The following TRRAP variants were observed in gnomAD, a reference collection of about 807,000 sequenced individuals.
TRRAP encodes transformation/transcription domain associated protein, also known as transformation/transcription domain-associated protein.
Under a neutral mutation model 438.8 loss-of-function variants are expected in TRRAP, and 41 were observed. That is an observed-to-expected ratio of 0.09 (90% confidence interval 0.07 to 0.12). The LOEUF (loss-of-function observed/expected upper bound fraction) is 0.12, where lower values mean the gene tolerates loss of function less well. TRRAP is among the 10% of genes least tolerant of loss of function. The pLI is 1.00. For synonymous variants in TRRAP, 1,994 were observed against 1,962.9 expected (o/e 1.02, Z -0.42); for missense variants, 3,122 against 5,055.1 (o/e 0.62, Z 11.60).
intron 59 of TRRAP, 46 bp from the exon 60 acceptor site, chr7:98,983,218 T>C: frequency 6.6e-7 from 1 of 1,522,554 alleles, no homozygotes; most frequent in Non-Finnish European, 8.9e-7. Flanking sequence ...TCCCGTTTGA[T>C]CTTTACTGAC....
chr7:98,894,789 T>G (rs1796126231), intron 6 of TRRAP, among the ~76,000 whole-genome samples: 1 of 141,688 alleles, frequency 7.1e-6, no homozygotes, highest in African/African-American at 2.6e-5. Context: ...AATGGTTTTT[T>G]TTTTTTTTTT....
chr7:98,961,472 C>A lies in TRRAP; in HGVS notation c.6701C>A (p.Pro2234Gln). Residue 2234 changes from proline to glutamine, a missense_variant and splice_region_variant, in exon 46 of 73, where the codon CCG (proline) becomes CAG (glutamine). Coordinates refer to ENST00000456197, the MANE Select transcript of TRRAP (RefSeq NM_001375524.1). ...SRLMSIFPTE[P>Q]STSSVASKYE... ...CTGATGAGCATTTTCCCAACAGAGC[C>A]GAGTATGTGACCTTTCCCACCGGTG... is the stretch of plus-strand genomic sequence containing the variant. 6.2e-7 allele frequency: 1 copy of A among 1,613,934 alleles called. No homozygotes were observed. The highest frequency in any genetic ancestry group is 8.5e-7 in the Non-Finnish European group (1 of 1,179,904).
At position 98,965,826 on chromosome 7, in the gene TRRAP, A is replaced by C; in HGVS notation, c.7107A>C (p.Lys2369Asn). Reference protein sequence around the residue: ...TSLIEKSPDAKILRAVVKIVE... With the variant: ...TSLIEKSPDANILRAVVKIVE... ...TCATCGAAAAATCACCAGATGCCAA[A>C]ATCCTCCGGGCTGTGGTCAAAATCG... is the stretch of plus-strand genomic sequence containing the variant. The change falls in exon 49 of 73, where the codon AAA (lysine) becomes AAC (asparagine). Residue 2369 changes from lysine (K) to asparagine (N), a missense_variant. By Grantham distance (94) the Lys-to-Asn change is moderately conservative. Around this residue, in one of 24 missense-constraint regions of TRRAP, gnomAD observed 992 missense variants for 1,281.2 expected, o/e 0.77. Transcript: ENST00000456197. The C allele has an allele frequency of 6.2e-7, 1 of 1,614,110 alleles. No homozygotes were observed. Among genetic ancestry groups the C allele is most frequent in the Non-Finnish European group, 8.5e-7 (1 of 1,180,022 alleles).
At chr7:98,880,265 T>TTGTTTTG (rs1474982624) in intron 1 of TRRAP, among the ~76,000 whole-genome samples, 7 of 136,946 alleles carry the variant, frequency 5.1e-5, no homozygotes, top group African/African-American at 8.6e-5. Flanking sequence ...TGTTGTTGTT[T>TTGTTTTG]TTTTTTTTTT....
At chr7:98,924,772 G>A (rs1423020003) in intron 21 of TRRAP, among the ~76,000 whole-genome samples, 1 of 147,106 alleles carries the variant, frequency 6.8e-6, no homozygotes, top group Non-Finnish European at 1.5e-5. Context: ...GGGAGGCCGA[G>A]GCGGGCAGAT....
At chr7:98,918,830 C>T (rs1359861884) in intron 20 of TRRAP, among the ~76,000 whole-genome samples, 2 of 151,114 alleles carry the variant, frequency 1.3e-5, no homozygotes, top group African/African-American at 4.9e-5. Context: ...CTGAGACAGG[C>T]AGATCACTTG....
At chr7:98,907,187 G>A (rs1275468710) in intron 13 of TRRAP, among the ~76,000 whole-genome samples, 1 of 152,088 alleles carries the variant, frequency 6.6e-6, no homozygotes, top group Admixed American at 6.5e-5. Context: ...GCCAGGCGTG[G>A]TGGCGCGTGC....
At chr7:98,916,033 GC>G in intron 19 of TRRAP, 145 bp downstream of exon 19, 1 of 1,110,448 alleles carries the variant, frequency 9.0e-7, no homozygotes, top group Non-Finnish European at 1.3e-6. Context: ...CCGCCCCCCT[GC>G]CCCCCTCCCC....
intron 18 of TRRAP, 130 bp downstream of exon 18, chr7:98,912,343 C>T: frequency 1.1e-6 from 1 of 919,970 alleles, no homozygotes; most frequent in Non-Finnish European, 1.5e-6. Context: ...TTGATCTCCC[C>T]AGTTTTTGGG....
chr7:98,965,610 C>G, intron 48 of TRRAP, 86 bp from the exon 49 acceptor site: 1 of 1,577,710 alleles, frequency 6.3e-7, no homozygotes, highest in Non-Finnish European at 8.7e-7. Flanking sequence ...ATGGGCAGAA[C>G]CCAGCATGCC....
intron 63 of TRRAP, 55 bp from the exon 64 acceptor site, chr7:98,990,400 T>C (rs1233970981): frequency 1.3e-6 from 2 of 1,590,764 alleles, no homozygotes; most frequent in Non-Finnish European, 1.7e-6. Flanking sequence ...AAAAGTCTCT[T>C]GCTTGAGGGC....
intron 69 of TRRAP, among the ~76,000 whole-genome samples, chr7:99,007,574 C>T (rs564757705): frequency 2.6e-5 from 4 of 152,094 alleles, no homozygotes; most frequent in African/African-American, 9.6e-5. Flanking sequence ...GTCTCAAACT[C>T]CTGACCTCAT....
In TRRAP at chr7:98,912,017, G is replaced by A. The variant is rs1247173631; in HGVS notation, c.2008-5G>A. On this transcript the variant is annotated splice_region_variant and splice_polypyrimidine_tract_variant and intron_variant, in intron 17 of 72. Coordinates refer to ENST00000456197, the MANE Select transcript of TRRAP (RefSeq NM_001375524.1). The stretch of plus-strand genomic sequence containing the variant: ...ATTTTTCACATGTGTTTCTTGTATT[G>A]ACAGATTGTTGCCAATTCCTTCTTG... 6.2e-7 allele frequency: 1 copy of A among 1,610,478 alleles called. No individual in the cohort carries two copies. Among genetic ancestry groups the A allele is most frequent in the Non-Finnish European group, 8.5e-7 (1 of 1,177,884 alleles).
Position 98,976,864 on chromosome 7 carries a change from C to T in TRRAP, c.8248-75C>T. On this transcript the variant is annotated intron_variant, in intron 55 of 72. Coordinates refer to ENST00000456197, the MANE Select transcript of TRRAP (RefSeq NM_001375524.1). The surrounding 1 kb of genome is among the most constrained non-coding windows in gnomAD (Gnocchi z 4.6). Reference sequence around the variant, plus strand: ...CCTCCCAAATGATTTCAAATGACAGCACAGTGAAACTATTTTTAGGGGGGA... The same window carrying T: ...CCTCCCAAATGATTTCAAATGACAGTACAGTGAAACTATTTTTAGGGGGGA... The T allele has an allele frequency of 6.2e-7, 1 of 1,604,036 alleles. No homozygotes were observed. Among genetic ancestry groups the T allele is most frequent in the East Asian group, 2.2e-5 (1 of 44,734 alleles).
At chr7:98,942,827 TA>T (rs1365351537) in intron 30 of TRRAP, 121 bp from the exon 31 acceptor site, 1 of 1,051,994 alleles carries the variant, frequency 9.5e-7, no homozygotes, top group Admixed American at 2.2e-5. Flanking sequence ...TGCGCTGTTT[TA>T]ATAATGGAAA....
chr7:99,005,080 G>A lies in TRRAP; in HGVS notation c.10536-51G>A, dbSNP rs1794101502. The stretch of plus-strand genomic sequence containing the variant: ...ATTCCTAGCTTCTTCTCAAGACAAG[G>A]ACTGGTAGCAGAGATGCAGGGCATG... On this transcript the variant is annotated intron_variant, in intron 68 of 72. Transcript: ENST00000456197. The surrounding 1 kb of genome is among the most constrained non-coding windows in gnomAD (Gnocchi z 5.1). 2 of 1,575,918 alleles carry A rather than the reference G, an allele frequency of 1.3e-6. No homozygotes were observed. The highest frequency in any genetic ancestry group is 1.3e-5 in the African/African-American group (1 of 74,176).
At chr7:98,886,919 T>G (rs1231387242) in intron 3 of TRRAP, among the ~76,000 whole-genome samples, 6 of 152,150 alleles carry the variant, frequency 3.9e-5, no homozygotes, top group African/African-American at 1.4e-4. Context: ...AAAATTTTTT[T>G]AGAGACAACG....
Position 98,956,150 on chromosome 7 carries a change from A to G in TRRAP, c.5942A>G (p.Tyr1981Cys). 1 of 1,611,104 alleles carries G rather than the reference A, an allele frequency of 6.2e-7. No individual in the cohort carries two copies. Among genetic ancestry groups the G allele is most frequent in the Non-Finnish European group, 8.5e-7 (1 of 1,179,440 alleles). ...ATGCTGGCCCTGCGTCCGCAGGTGT[A>G]CTACCCGGTACGGCACCACTTGGTG... ...LHLIVQHFKVYYPVRHHLVQH... is the reference protein window; with the variant it reads ...LHLIVQHFKVCYPVRHHLVQH... The change falls in exon 42 of 73, where the codon TAC (tyrosine) becomes TGC (cysteine). Residue 1981 changes from tyrosine (Y) to cysteine (C), a missense_variant. Coordinates refer to ENST00000456197, the MANE Select transcript of TRRAP (RefSeq NM_001375524.1). This position sits in a 1 kb window ranked among gnomAD's most constrained non-coding sequence, Gnocchi z 4.5.
In TRRAP at chr7:98,929,935, C is replaced by T. The variant is rs1641287588; in HGVS notation, c.3176-54C>T. 1.5e-5 allele frequency: 24 copies of T among 1,570,682 alleles called. No individual in the cohort carries two copies. In the South Asian group the frequency reaches 2.6e-4, roughly 17 times the overall value. The stretch of plus-strand genomic sequence containing the variant: ...ACTTCAAGGAAAACATTGGGGAGTT[C>T]TGCAGTTTGAGGGACAAGACTGTTC... On this transcript the variant is annotated intron_variant, in intron 23 of 72. Transcript: ENST00000456197.
Sources: allele counts gnomAD v4.1 joint callset (sites outside exome capture counted in the v4.1 genomes callset), GRCh38; gene constraint gnomAD v4.1.1; regional missense constraint gnomAD v4.1.1; non-coding constraint Gnocchi (gnomAD v3.1); transcripts MANE v1.5; gene names NCBI Gene and HGNC (gene_info 2026-07-23, HGNC 2026-07-21).